Variants in DMD observed in about 807,000 individuals in gnomAD.
The protein encoded by DMD is dystrophin, also known as mutant dystrophin.
In DMD, 63 loss-of-function variants were observed where a neutral mutation model predicts 330.1. The ratio of observed to expected loss-of-function variants is 0.19; its 90% CI spans 0.16 to 0.24. DMD has a LOEUF of 0.24. Among genes scored for constraint, DMD ranks in the 10% least tolerant of loss-of-function variants. The pLI is 1.00. For missense variants in DMD, 3,344 were observed against 2,684.1 expected (o/e 1.25, Z -5.43); for synonymous variants, 1,223 against 959.8 (o/e 1.27, Z -5.07).
intron 62 of DMD, among the ~76,000 whole-genome samples, chrX:31,293,214 T>TA (rs1569519878): frequency 1.5e-4 from 14 of 90,971 alleles, no homozygotes; most frequent in African/African-American, 6.3e-4. Context: ...AGTGTGTGTG[T>TA]GTGTGTGTGT....
At chrX:32,650,613 T>TA (rs1035322098) in intron 9 of DMD, among the ~76,000 whole-genome samples, 17 of 112,046 alleles carry the variant, frequency 1.5e-4, no homozygotes, top group African/African-American at 5.2e-4. Flanking sequence ...ATTCAAAGCA[T>TA]AAAAATGATT....
intron 55 of DMD, among the ~76,000 whole-genome samples, chrX:31,621,719 G>A (rs182162700): frequency 4.5e-4 from 50 of 111,919 alleles, no homozygotes; most frequent in African/African-American, 1.6e-3. Context: ...CTGCTTACAA[G>A]GTCCATACTC....
chrX:32,651,637 G>A, intron 9 of DMD, among the ~76,000 whole-genome samples: 1 of 111,209 alleles, frequency 9.0e-6, no homozygotes, highest in Admixed American at 9.6e-5. Context: ...CAGAATACCA[G>A]AAAGACAGCA....
At chrX:32,129,304 CAA>C (rs992639751) in intron 44 of DMD, among the ~76,000 whole-genome samples, 1 of 111,087 alleles carries the variant, frequency 9.0e-6, no homozygotes, top group Non-Finnish European at 1.9e-5. Context: ...ATAAAATTTC[CAA>C]AGTCACCTAA....
At chrX:31,143,440 T>C (rs914111597) in intron 76 of DMD, among the ~76,000 whole-genome samples, 1 of 111,647 alleles carries the variant, frequency 9.0e-6, no homozygotes, top group Non-Finnish European at 1.9e-5. Context: ...TGGAACTGAG[T>C]CAATAAACCT....
intron 47 of DMD, among the ~76,000 whole-genome samples, chrX:31,915,233 G>A (rs1486468145): frequency 3.8e-5 from 3 of 79,454 alleles, no homozygotes; most frequent in African/African-American, 2.5e-4. Flanking sequence ...GGCACTGTGT[G>A]TTCTCTTGAT....
intron 1 of DMD, among the ~76,000 whole-genome samples, chrX:33,208,096 G>T (rs1008357538): frequency 9.0e-6 from 1 of 111,188 alleles, no homozygotes; most frequent in Non-Finnish European, 1.9e-5. Context: ...GTGATTTGGC[G>T]TGCCTTCAAA....
At chrX:31,974,736 C>T (rs1267637545) in intron 44 of DMD, among the ~76,000 whole-genome samples, 1 of 110,277 alleles carries the variant, frequency 9.1e-6, no homozygotes, top group African/African-American at 3.3e-5. Flanking sequence ...AATGAGAATT[C>T]CTTCTAAAAC....
At position 32,779,290 on chromosome X, in the gene DMD, A is replaced by T. The variant is rs150821672; in HGVS notation, c.649+30203T>A. Reference sequence around the variant, plus strand: ...GAGAGTCATTACTAGATGGGAACTGATAACAATGTTGCTCGGACACACAAT... The same window carrying T: ...GAGAGTCATTACTAGATGGGAACTGTTAACAATGTTGCTCGGACACACAAT... On this transcript the variant is annotated intron_variant, in intron 7 of 78. Transcript: ENST00000357033. Among the ~76,000 whole-genome samples the T allele has an allele frequency of 1.1e-3, 116 of 109,756 alleles. 1 individual carries two copies. The East Asian group carries it at 0.026, about 25-fold the overall frequency.
intron 1 of DMD, among the ~76,000 whole-genome samples, chrX:33,197,675 A>T (rs2051025188): frequency 8.9e-6 from 1 of 112,095 alleles, no homozygotes; most frequent in African/African-American, 3.2e-5. Context: ...AATGTTATAT[A>T]CAAGAAATAA....
intron 1 of DMD, among the ~76,000 whole-genome samples, chrX:33,034,257 T>C (rs1332032584): frequency 9.0e-6 from 1 of 111,696 alleles, no homozygotes; most frequent in Non-Finnish European, 1.9e-5. Flanking sequence ...TTTCCAAAGT[T>C]TGTAAATTGA....
At chrX:32,286,050 C>T (rs1384673438) in intron 43 of DMD, among the ~76,000 whole-genome samples, 1 of 110,900 alleles carries the variant, frequency 9.0e-6, no homozygotes, top group Non-Finnish European at 1.9e-5. Flanking sequence ...GGGAAATATT[C>T]TCAGGTTTCG....
intron 19 of DMD, among the ~76,000 whole-genome samples, chrX:32,500,633 T>C (rs1490035751): frequency 1.8e-5 from 2 of 111,912 alleles, no homozygotes; most frequent in South Asian, 7.4e-4. Context: ...AACATGAATA[T>C]GCTGTTAAGT....
intron 2 of DMD, among the ~76,000 whole-genome samples, chrX:32,941,138 A>C (rs941379642): frequency 1.8e-5 from 2 of 111,237 alleles, no homozygotes; most frequent in African/African-American, 3.3e-5. Context: ...ATTATTAAAA[A>C]CTCAAAAAAC....
intron 19 of DMD, among the ~76,000 whole-genome samples, chrX:32,493,910 G>T (rs1047263671): frequency 3.6e-5 from 4 of 111,237 alleles, no homozygotes; most frequent in South Asian, 3.8e-4. Flanking sequence ...AGGCAAAAAA[G>T]AAATGCTAAA....
chrX:31,488,506 A>G (rs923934097), intron 57 of DMD, among the ~76,000 whole-genome samples: 1 of 111,811 alleles, frequency 8.9e-6, no homozygotes, highest in Non-Finnish European at 1.9e-5. Flanking sequence ...TTCTAAGCAC[A>G]TACACTCAAA....
chrX:32,102,198 C>T (rs1460559157), intron 44 of DMD: 1 of 111,833 alleles, frequency 8.9e-6, no homozygotes, highest in African/African-American at 3.2e-5. Flanking sequence ...ACTTCTCAGC[C>T]TCCGTAACTG....
chrX:31,833,641 C>T (rs1173131533), intron 49 of DMD, among the ~76,000 whole-genome samples: 1 of 110,527 alleles, frequency 9.0e-6, no homozygotes, highest in Admixed American at 9.7e-5. Flanking sequence ...AAGAAGTTGA[C>T]GAAGTGAAGG....
At chrX:32,517,923 A>C in intron 18 of DMD, 85 bp downstream of exon 18, 1 of 988,517 alleles carries the variant, frequency 1.0e-6, no homozygotes, top group South Asian at 1.9e-5. Context: ...TTAATCTATC[A>C]ACTAGTAGAA....
Sources: allele counts gnomAD v4.1 joint callset (sites outside exome capture counted in the v4.1 genomes callset), GRCh38; gene constraint gnomAD v4.1.1; transcripts MANE v1.5; gene names NCBI Gene and HGNC (gene_info 2026-07-23, HGNC 2026-07-21).